PARD3: variants seen among roughly 807,000 people sequenced by gnomAD.
The protein encoded by PARD3 is partitioning defective 3 homolog.
A neutral mutation model predicts 155.4 loss-of-function variants in PARD3; 75 were observed. The ratio of observed to expected loss-of-function variants is 0.48; its 90% CI spans 0.40 to 0.58. PARD3 has a LOEUF of 0.58. Ranked by LOEUF, PARD3 falls within the 20% of genes least tolerant of loss-of-function variation. The probability of loss-of-function intolerance (pLI) is 0.00; values close to 1 mark genes in which losing one functional copy is unlikely to be tolerated. For synonymous variants in PARD3, 576 were observed against 610.5 expected, an observed-to-expected ratio of 0.94 and a Z score of 0.83; for missense variants, 1,642 against 1,721.7, an observed-to-expected ratio of 0.95 and a Z score of 0.82.
intron 22 of PARD3, among the ~76,000 whole-genome samples, chr10:34,142,652 AAGGAAGGC>A (rs965416526): frequency 5.3e-5 from 8 of 152,030 alleles, no homozygotes; most frequent in Middle Eastern, 3.4e-3. Flanking sequence ...GGAAGGAAGG[AAGGAAGGC>A]AGGAAGGCAG....
intron 22 of PARD3, among the ~76,000 whole-genome samples, chr10:34,149,755 T>C (rs1948692589): frequency 6.6e-6 from 1 of 152,208 alleles, no homozygotes; most frequent in African/African-American, 2.4e-5. Context: ...AAAATACTCC[T>C]AGAATTCAGC....
At chr10:34,397,304 A>G (rs1303943352) in intron 7 of PARD3, among the ~76,000 whole-genome samples, 1 of 152,192 alleles carries the variant, frequency 6.6e-6, no homozygotes, top group Non-Finnish European at 1.5e-5. Context: ...AAGAAGCTTA[A>G]CCATGCAACA....
intron 1 of PARD3, among the ~76,000 whole-genome samples, chr10:34,783,737 G>C (rs535759469): frequency 2.7e-5 from 4 of 150,750 alleles, no homozygotes; most frequent in African/African-American, 9.8e-5. Flanking sequence ...AAAAAAGGGA[G>C]AACAACCCAT....
Position 34,384,174 on chromosome 10 carries a change from A to T in PARD3, c.971T>A (p.Ile324Asn). 1 of 1,613,684 alleles carries T rather than the reference A, an allele frequency of 6.2e-7. No individual in the cohort carries two copies. The highest frequency in any genetic ancestry group is 8.5e-7 in the Non-Finnish European group (1 of 1,179,738). Reference sequence around the variant, plus strand: ...AAGGTCGCCATCATTAATCCTGACAATGCAATCATTCTCACGAAAAAGATT... The same window carrying T: ...AAGGTCGCCATCATTAATCCTGACATTGCAATCATTCTCACGAAAAAGATT... ...HENLFRENDC[I>N]VRINDGDLRN... The change falls in exon 8 of 25, where the codon ATT (isoleucine) becomes AAT (asparagine). Residue 324 changes from isoleucine to asparagine, a missense_variant. Ile to Asn is a moderately radical substitution (Grantham distance 149). This residue lies in a region of PARD3 where 1,529 missense variants were observed against 1,587.3 expected (regional missense o/e 0.96). Transcript: ENST00000374788.
intron 2 of PARD3, among the ~76,000 whole-genome samples, chr10:34,575,714 C>T (rs1252540939): frequency 6.6e-6 from 1 of 151,726 alleles, no homozygotes; most frequent in Non-Finnish European, 1.5e-5. Flanking sequence ...TGGCCAACAT[C>T]GTGAAACCCC....
chr10:34,760,386 C>T (rs904612614), intron 1 of PARD3, among the ~76,000 whole-genome samples: 1 of 152,136 alleles, frequency 6.6e-6, no homozygotes, highest in African/African-American at 2.4e-5. Flanking sequence ...GGCTGGAGTG[C>T]AGTGGTAGGA....
chr10:34,732,454 G>A (rs567221713), intron 1 of PARD3, among the ~76,000 whole-genome samples: 1 of 152,316 alleles, frequency 6.6e-6, no homozygotes, highest in South Asian at 2.1e-4. Flanking sequence ...GGCACTTTGG[G>A]AGGCCAAGGT....
At chr10:34,597,494 T>C (rs981675866) in intron 2 of PARD3, among the ~76,000 whole-genome samples, 5 of 152,038 alleles carry the variant, frequency 3.3e-5, no homozygotes, top group Non-Finnish European at 5.9e-5. Context: ...AGTATCACAA[T>C]AACAGCTCGC....
At chr10:34,585,990 G>A (rs1172768783) in intron 2 of PARD3, among the ~76,000 whole-genome samples, 3 of 151,954 alleles carry the variant, frequency 2.0e-5, no homozygotes, top group Non-Finnish European at 4.4e-5. Flanking sequence ...TTCCAGACCT[G>A]AGAATCAGAA....
chr10:34,546,511 T>G (rs532763333), intron 2 of PARD3, among the ~76,000 whole-genome samples: 2 of 120,162 alleles, frequency 1.7e-5, no homozygotes, highest in African/African-American at 7.5e-5. Context: ...TGCAAGACTC[T>G]GTCTCAAAAA....
chr10:34,736,095 G>A (rs2094908847), intron 1 of PARD3, among the ~76,000 whole-genome samples: 2 of 151,866 alleles, frequency 1.3e-5, no homozygotes, highest in African/African-American at 2.4e-5. Flanking sequence ...GCAGTGGCGC[G>A]ATCTCGGCTA....
intron 19 of PARD3, among the ~76,000 whole-genome samples, chr10:34,330,327 T>G (rs1835478527): frequency 6.6e-6 from 1 of 152,168 alleles, no homozygotes; most frequent in Non-Finnish European, 1.5e-5. Context: ...AAGGATATAT[T>G]TGTACCTATC....
chr10:34,327,759 T>A (rs1835187219), intron 19 of PARD3, among the ~76,000 whole-genome samples: 1 of 152,174 alleles, frequency 6.6e-6, no homozygotes, highest in African/African-American at 2.4e-5. Context: ...ACGAGGGTCC[T>A]CTTTTCAGAT....
chr10:34,731,121 T>TA (rs2094810136), intron 1 of PARD3, among the ~76,000 whole-genome samples: 1 of 151,882 alleles, frequency 6.6e-6, no homozygotes, highest in Non-Finnish European at 1.5e-5. Flanking sequence ...TATGAGCAAT[T>TA]TTTTTACGCT....
intron 1 of PARD3, among the ~76,000 whole-genome samples, chr10:34,710,857 T>G (rs4485051): frequency 0.26 from 39,911 of 151,980 alleles, 5,870 homozygotes; most frequent in East Asian, 0.5. Context: ...CCAAATTGTA[T>G]GTATCTTCCC....
At chr10:34,396,292 G>T (rs1843335929) in intron 7 of PARD3, among the ~76,000 whole-genome samples, 1 of 152,060 alleles carries the variant, frequency 6.6e-6, no homozygotes, top group African/African-American at 2.4e-5. Flanking sequence ...GGAGGTTGCA[G>T]TGAGCCAGGA....
intron 1 of PARD3, among the ~76,000 whole-genome samples, chr10:34,717,356 C>T (rs571621320): frequency 1.6e-4 from 25 of 152,198 alleles, no homozygotes; most frequent in African/African-American, 5.8e-4. Flanking sequence ...CAGCCTTTTT[C>T]CCACAAGTAG....
At chr10:34,523,607 C>T (rs1358305271) in intron 2 of PARD3, among the ~76,000 whole-genome samples, 1 of 152,118 alleles carries the variant, frequency 6.6e-6, no homozygotes, top group Non-Finnish European at 1.5e-5. Context: ...AGAAGCACAA[C>T]ACAGAAAGTG....
chr10:34,623,346 T>C (rs1258245098), intron 2 of PARD3, among the ~76,000 whole-genome samples: 1 of 152,208 alleles, frequency 6.6e-6, no homozygotes, highest in African/African-American at 2.4e-5. Flanking sequence ...AGATATGCAT[T>C]ATTTAATGGT....
Sources: allele counts gnomAD v4.1 joint callset (sites outside exome capture counted in the v4.1 genomes callset), GRCh38; gene constraint gnomAD v4.1.1; regional missense constraint gnomAD v4.1.1; transcripts MANE v1.5; gene names NCBI Gene and HGNC (gene_info 2026-07-23, HGNC 2026-07-21).